AHI1: variants seen among roughly 807,000 people sequenced by gnomAD.
AHI1 encodes the protein jouberin.
A neutral mutation model predicts 149.3 loss-of-function variants in AHI1; 123 were observed. That is an observed-to-expected ratio of 0.82 (90% CI 0.71 to 0.96). The LOEUF is 0.96. Ranked by LOEUF, AHI1 falls within the 40% of genes least tolerant of loss-of-function variation. AHI1 has a pLI of 0.00. For synonymous variants in AHI1, 475 were observed against 459.8 expected, an observed-to-expected ratio of 1.03 and a Z score of -0.42; for missense variants, 1,439 against 1,422.7, an observed-to-expected ratio of 1.01 and a Z score of -0.18.
At chr6:135,355,032 T>G (rs1467751894) in intron 24 of AHI1, among the ~76,000 whole-genome samples, 2 of 152,192 alleles carry the variant, frequency 1.3e-5, no homozygotes, top group Non-Finnish European at 2.9e-5. Context: ...CACAATGTTT[T>G]GAGGAGAAAA....
chr6:135,445,290 C>T (rs1786993389), intron 13 of AHI1, among the ~76,000 whole-genome samples: 1 of 152,220 alleles, frequency 6.6e-6, no homozygotes, highest in Non-Finnish European at 1.5e-5. Context: ...GGTAGCAGCT[C>T]ATATGCATAA....
intron 24 of AHI1, among the ~76,000 whole-genome samples, chr6:135,333,200 T>C (rs1397879766): frequency 6.6e-6 from 1 of 152,188 alleles, no homozygotes; most frequent in East Asian, 1.9e-4. Context: ...ATTTAAAAAG[T>C]GAAATAAAAT....
intron 24 of AHI1, among the ~76,000 whole-genome samples, chr6:135,335,380 C>G (rs1789222433): frequency 6.6e-6 from 1 of 151,268 alleles, no homozygotes. Context: ...CATCCAACAA[C>G]AATCATCAGT....
At chr6:135,446,378 C>G (rs1008482447) in intron 13 of AHI1, among the ~76,000 whole-genome samples, 18 of 152,158 alleles carry the variant, frequency 1.2e-4, no homozygotes, top group African/African-American at 4.3e-4. Context: ...CAACTGTAAG[C>G]CAAGGAGAAG....
chr6:135,335,178 G>A (rs1262884443), intron 24 of AHI1, among the ~76,000 whole-genome samples: 1 of 151,960 alleles, frequency 6.6e-6, no homozygotes, highest in East Asian at 1.9e-4. Context: ...TTTCCCACAT[G>A]TCACACTGAA....
At chr6:135,361,573 G>A (rs1451075241) in intron 23 of AHI1, among the ~76,000 whole-genome samples, 2 of 150,576 alleles carry the variant, frequency 1.3e-5, no homozygotes, top group African/African-American at 2.4e-5. Flanking sequence ...TTCCCTGAAC[G>A]TAACACTTTT....
chr6:135,346,105 T>C (rs917774716), intron 24 of AHI1, among the ~76,000 whole-genome samples: 7 of 152,188 alleles, frequency 4.6e-5, no homozygotes, highest in Admixed American at 4.6e-4. Flanking sequence ...CAGCTGGTAG[T>C]ACCAATGACA....
At chr6:135,434,584 A>C (rs1785121925) in intron 15 of AHI1, among the ~76,000 whole-genome samples, 1 of 152,096 alleles carries the variant, frequency 6.6e-6, no homozygotes, top group Non-Finnish European at 1.5e-5. Context: ...AAACAGACAT[A>C]ATATTAAAAA....
intron 24 of AHI1, among the ~76,000 whole-genome samples, chr6:135,337,376 C>T (rs2614275): frequency 0.68 from 102,998 of 152,002 alleles, 36,209 homozygotes; most frequent in African/African-American, 0.89. Context: ...TACATATGTA[C>T]ACATTAACAT....
At chr6:135,440,584 G>A (rs1199337784) in intron 14 of AHI1, among the ~76,000 whole-genome samples, 2 of 152,160 alleles carry the variant, frequency 1.3e-5, no homozygotes, top group African/African-American at 2.4e-5. Flanking sequence ...AGAAAGTAAA[G>A]CTAAGGCAGA....
intron 26 of AHI1, chr6:135,301,693 G>A (rs1783898393): frequency 1.0e-6 from 1 of 985,342 alleles, no homozygotes. Context: ...GGTGAAAGGT[G>A]AGTGTTGCAA....
At position 135,285,369 on chromosome 6, in the gene AHI1, T is replaced by C. The variant is rs1462891775; in HGVS notation, c.*276A>G. 2.0e-6 allele frequency: 1 copy of C among 507,012 alleles called. No individual in the cohort carries two copies. The highest frequency in any genetic ancestry group is 3.5e-6 in the Non-Finnish European group (1 of 283,664). 31.4% of individuals were successfully genotyped at this position (507,012 alleles called of 1,614,324 possible). On this transcript the variant is annotated 3_prime_UTR_variant, in exon 29 of 29. Coordinates refer to ENST00000265602, the MANE Select transcript of AHI1 (RefSeq NM_001134831.2). ...TTCTTCATTAGTTTTCCAACACTGG[T>C]AATGTAATTATGATGCAATTACTAA...
rs1254454334 is a variant in AHI1 at position 135,492,589 on chromosome 6, TA to T, written c.-54-299del. Reference sequence around the variant, plus strand: ...TAATGTGGTATGTTAATAAACTTTTTAAAGTGTTTTAATACATTAATGAACA... The same window carrying T: ...TAATGTGGTATGTTAATAAACTTTTTAAGTGTTTTAATACATTAATGAACA... On this transcript the variant is annotated intron_variant, in intron 3 of 28. Coordinates refer to ENST00000265602, the MANE Select transcript of AHI1 (RefSeq NM_001134831.2). The T allele has an allele frequency of 7.1e-6, 7 of 985,132 alleles. No individual in the cohort carries two copies. In the African/African-American group the frequency reaches 1.2e-4, roughly 17 times the overall value. The allele number at this position is 985,132 out of a possible 1,614,324, so 61.0% of individuals were successfully genotyped here.
At chr6:135,430,464 A>G (rs1370515741) in intron 17 of AHI1, among the ~76,000 whole-genome samples, 1 of 151,970 alleles carries the variant, frequency 6.6e-6, no homozygotes, top group African/African-American at 2.4e-5. Flanking sequence ...GACTCAACAG[A>G]TTTAACTAAA....
chr6:135,431,341 T>C (rs1191823889), intron 16 of AHI1, 27 bp from the exon 17 acceptor site: 3 of 1,380,010 alleles, frequency 2.2e-6, no homozygotes, highest in Non-Finnish European at 2.0e-6. Context: ...GATCACTCAC[T>C]TATGAATGTC....
Position 135,490,736 on chromosome 6 carries a change from C to T in AHI1, c.22G>A (p.Ala8Thr). Residue 8 changes from alanine to threonine, a missense_variant, in exon 5 of 29, where the codon GCA (alanine) becomes ACA (threonine). Coordinates refer to ENST00000265602, the MANE Select transcript of AHI1 (RefSeq NM_001134831.2). ...AAGCGAACTTTGGTTTTTACTTTTGCTTCACTCTCAGCTACAAAAGATACA... is the reference window on the plus strand; with the variant it reads ...AAGCGAACTTTGGTTTTTACTTTTGTTTCACTCTCAGCTACAAAAGATACA... MPTAESE[A>T]KVKTKVRFEE... The T allele has an allele frequency of 6.2e-7, 1 of 1,612,682 alleles. No individual in the cohort carries two copies. The highest frequency in any genetic ancestry group is 8.5e-7 in the Non-Finnish European group (1 of 1,179,386).
intron 5 of AHI1, among the ~76,000 whole-genome samples, chr6:135,477,873 C>T (rs964823685): frequency 2.0e-5 from 3 of 152,208 alleles, no homozygotes; most frequent in Non-Finnish European, 4.4e-5. Flanking sequence ...TCCTGGCTCA[C>T]TGCAGCCTCT....
chr6:135,318,428 G>A lies in AHI1; in HGVS notation c.3426+91C>T. 3 of 851,108 alleles carry A rather than the reference G, an allele frequency of 3.5e-6. No homozygotes were observed. The South Asian group carries it at 4.8e-5, about 14-fold the overall frequency. The allele number at this position is 851,108 out of a possible 1,614,324, so 52.7% of individuals were successfully genotyped here. A position where few individuals can be genotyped will look rare whatever the true frequency, so the allele number is the denominator to read the frequency against. ...CATAAAAAATAATGTGAACAATGAAGGATAATAAGCATAAAAAATAAAGTA... is the reference window on the plus strand; with the variant it reads ...CATAAAAAATAATGTGAACAATGAAAGATAATAAGCATAAAAAATAAAGTA... On this transcript the variant is annotated intron_variant, in intron 26 of 28. Coordinates refer to ENST00000265602, the MANE Select transcript of AHI1 (RefSeq NM_001134831.2).
At chr6:135,416,030 G>A (rs1782324939) in intron 20 of AHI1, among the ~76,000 whole-genome samples, 1 of 152,032 alleles carries the variant, frequency 6.6e-6, no homozygotes, top group South Asian at 2.1e-4. Context: ...TAACTTTTGG[G>A]GATGAAATAT....
Sources: allele counts gnomAD v4.1 joint callset (sites outside exome capture counted in the v4.1 genomes callset), GRCh38; gene constraint gnomAD v4.1.1; transcripts MANE v1.5; gene names NCBI Gene and HGNC (gene_info 2026-07-23, HGNC 2026-07-21).